The following SLC2A6 variants were observed in gnomAD, a reference collection of about 807,000 sequenced individuals.
SLC2A6 encodes the protein solute carrier family 2 member 6, also known as solute carrier family 2, facilitated glucose transporter member 6.
Under a neutral mutation model 47.8 loss-of-function variants are expected in SLC2A6, and 39 were observed. The ratio of observed to expected loss-of-function variants is 0.82; its 90% CI spans 0.63 to 1.07. The LOEUF (loss-of-function observed/expected upper bound fraction) is 1.07. SLC2A6 is among the 50% of genes least tolerant of loss of function. The pLI is 0.00. For missense variants in SLC2A6, 650 were observed against 707.6 expected, an observed-to-expected ratio of 0.92 and a Z score of 0.92; for synonymous variants, 346 against 324.1, an observed-to-expected ratio of 1.07 and a Z score of -0.73.
intron 5 of SLC2A6, 25 bp from the exon 6 acceptor site, chr9:133,475,138 G>C (rs1843892197): frequency 1.3e-6 from 2 of 1,514,776 alleles, no homozygotes; most frequent in Non-Finnish European, 1.8e-6. Context: ...CGCCGCTGAG[G>C]GCGTTGGGCC....
At chr9:133,473,307 C>CT in intron 8 of SLC2A6, 57 bp from the exon 9 acceptor site, 1 of 1,545,748 alleles carries the variant, frequency 6.5e-7, no homozygotes. Flanking sequence ...GCGGCTGTGT[C>CT]TGTCTCCGCT....
chr9:133,475,331 C>G, intron 5 of SLC2A6, 69 bp downstream of exon 5: 5 of 1,480,070 alleles, frequency 3.4e-6, no homozygotes, highest in Non-Finnish European at 4.5e-6. Context: ...CAGGAAAAGC[C>G]TCCACGGCCA....
intron 4 of SLC2A6, 53 bp from the exon 5 acceptor site, chr9:133,475,664 C>A: frequency 2.1e-6 from 3 of 1,449,884 alleles, no homozygotes; most frequent in Non-Finnish European, 2.8e-6. Flanking sequence ...ACAGCCCCTT[C>A]CCTCTGGAGC....
At chr9:133,474,871 G>A (rs906443336) in intron 6 of SLC2A6, 90 bp downstream of exon 6, 3 of 1,309,740 alleles carry the variant, frequency 2.3e-6, no homozygotes, top group Non-Finnish European at 3.0e-6. Flanking sequence ...ACCAGGGGTT[G>A]GGTAAGTGCA....
In SLC2A6 at chr9:133,477,177, C is replaced by G; in HGVS notation, c.320G>C (p.Gly107Ala). 1 of 1,550,578 alleles carries G rather than the reference C, an allele frequency of 6.4e-7. No homozygotes were observed. Among genetic ancestry groups the G allele is most frequent in the Non-Finnish European group, 8.7e-7 (1 of 1,147,052 alleles). ...TGAGAACATGATGCTCAGCTTCCGG[C>G]CCAGGAGGTCGTTGAGGATCATGGC... is the stretch of plus-strand genomic sequence containing the variant. ...LSAMILNDLL[G>A]RKLSIMFSAV... Residue 107 changes from glycine to alanine, a missense_variant, in exon 3 of 10, where the codon GGC (glycine) becomes GCC (alanine). Coordinates refer to ENST00000371899, the MANE Select transcript of SLC2A6 (RefSeq NM_017585.4).
chr9:133,477,818 C>T (rs1844017252), intron 2 of SLC2A6, among the ~76,000 whole-genome samples: 1 of 152,242 alleles, frequency 6.6e-6, no homozygotes, highest in African/African-American at 2.4e-5. Flanking sequence ...AACAACTCTA[C>T]ATATGAGGCT....
In SLC2A6 at chr9:133,477,122, G is replaced by A. The variant is rs782132602; in HGVS notation, c.375C>T (p.Leu125=). The A allele has an allele frequency of 1.0e-5, 16 of 1,549,328 alleles. No individual in the cohort carries two copies. The highest frequency in any genetic ancestry group is 1.3e-5 in the Non-Finnish European group (15 of 1,146,490). ...SAVPSAAGYA[L]MAGAHGLWML... is the part of the protein sequence containing the mutation. ...TCCAGAGGCCGTGCGCACCCGCCATGAGCGCATAGCCGGCCGCCGACGGCA... is the reference window on the plus strand; with the variant it reads ...TCCAGAGGCCGTGCGCACCCGCCATAAGCGCATAGCCGGCCGCCGACGGCA... Residue 125 remains leucine, a synonymous_variant, in exon 3 of 10, where the codon CTC becomes CTT. Transcript: ENST00000371899.
Position 133,474,018 on chromosome 9 carries a change from A to G in SLC2A6, c.998T>C (p.Met333Thr), listed in dbSNP as rs1554802498. ...CAGCACCTTGCGGCCTGCGAGGTCC[A>G]TGGTGAGGGCGGCGATCAGCACGGA... ...LLSVLIAALT[M>T]DLAGRKVLLF... Residue 333 changes from methionine to threonine, a missense_variant, in exon 7 of 10, where the codon ATG (methionine) becomes ACG (threonine). Met to Thr is a moderately conservative substitution (Grantham distance 81). Coordinates refer to ENST00000371899, the MANE Select transcript of SLC2A6 (RefSeq NM_017585.4). 1.9e-6 allele frequency: 3 copies of G among 1,611,022 alleles called. No individual in the cohort carries two copies. The highest frequency in any genetic ancestry group is 1.7e-5 in the Admixed American group (1 of 59,914).
chr9:133,473,751 G>C, intron 7 of SLC2A6, 151 bp from the exon 8 acceptor site: 2 of 870,992 alleles, frequency 2.3e-6, no homozygotes, highest in East Asian at 2.8e-5. Flanking sequence ...TCTGTCTCCA[G>C]CCGCGTGTTA....
At chr9:133,473,846 C>T (rs782663510) in intron 7 of SLC2A6, 134 bp downstream of exon 7, 18 of 824,318 alleles carry the variant, frequency 2.2e-5, no homozygotes, top group African/African-American at 3.5e-5. Context: ...GGCCAGGGCC[C>T]TGCCGATGCT....
intron 9 of SLC2A6, among the ~76,000 whole-genome samples, 154 bp from the exon 10 acceptor site, chr9:133,472,330 C>T (rs1218437007): frequency 6.6e-6 from 1 of 151,988 alleles, no homozygotes; most frequent in Admixed American, 6.6e-5. Flanking sequence ...ACCAGGGCTC[C>T]CCCACTGTCC....
rs370579653 is a variant in SLC2A6 at position 133,475,164 on chromosome 9, C to T, written c.775-51G>A. The T allele has an allele frequency of 1.6e-5, 23 of 1,477,658 alleles. No individual in the cohort carries two copies. The East Asian group carries it at 1.9e-4, about 12-fold the overall frequency. 91.5% of individuals were successfully genotyped at this position (1,477,658 alleles called of 1,614,324 possible). Reference sequence around the variant, plus strand: ...GCGTTGGGCCAGCCTCTCCAGCAGGCGCCATCCTGCCCTGGACCGCCAGGG... The same window carrying T: ...GCGTTGGGCCAGCCTCTCCAGCAGGTGCCATCCTGCCCTGGACCGCCAGGG... On this transcript the variant is annotated intron_variant, in intron 5 of 9. Coordinates refer to ENST00000371899, the MANE Select transcript of SLC2A6 (RefSeq NM_017585.4).
chr9:133,478,887 G>A lies in SLC2A6; in HGVS notation c.92+81C>T, dbSNP rs587660888. 18 of 1,326,876 alleles carry A rather than the reference G, an allele frequency of 1.4e-5. No homozygotes were observed. In the African/African-American group the frequency reaches 1.7e-4, roughly 12 times the overall value. 82.2% of individuals were successfully genotyped at this position (1,326,876 alleles called of 1,614,324 possible). ...TGGCGACTAGGTCAGGGGAGGCCCA[G>A]GGCGGGAGCCTGCCGCCGGCTGGAG... On this transcript the variant is annotated intron_variant, in intron 1 of 9. Coordinates refer to ENST00000371899, the MANE Select transcript of SLC2A6 (RefSeq NM_017585.4).
In SLC2A6 at chr9:133,478,421, T is replaced by C; in HGVS notation, c.93-5A>G. 1 of 1,613,936 alleles carries C rather than the reference T, an allele frequency of 6.2e-7. No homozygotes were observed. The highest frequency in any genetic ancestry group is 8.5e-7 in the Non-Finnish European group (1 of 1,179,944). Reference sequence around the variant, plus strand: ...ACCCTTTTGTTCTGCAGGGTCCTGGTGATGGTGGCGGACAAAAAGACCAGG... The same window carrying C: ...ACCCTTTTGTTCTGCAGGGTCCTGGCGATGGTGGCGGACAAAAAGACCAGG... On this transcript the variant is annotated splice_polypyrimidine_tract_variant and splice_region_variant and intron_variant, in intron 1 of 9. Coordinates refer to ENST00000371899, the MANE Select transcript of SLC2A6 (RefSeq NM_017585.4).
At position 133,475,479 on chromosome 9, in the gene SLC2A6, C is replaced by T. The variant is rs782165510; in HGVS notation, c.695G>A (p.Arg232Gln). 7.4e-6 allele frequency: 12 copies of T among 1,611,726 alleles called. No individual in the cohort carries two copies. Among genetic ancestry groups the T allele is most frequent in the Admixed American group, 5.0e-5 (3 of 59,984 alleles). Reference sequence around the variant, plus strand: ...CGTCCCACGCAGCCAGGCCAGCGCCCGCAGGGCCTCTTCGTCCCTGCCCCG... The same window carrying T: ...CGTCCCACGCAGCCAGGCCAGCGCCTGCAGGGCCTCTTCGTCCCTGCCCCG... ...LSRGRDEEAL[R>Q]ALAWLRGTDV... is the part of the protein sequence containing the mutation. Residue 232 changes from arginine (R) to glutamine (Q), a missense_variant, in exon 5 of 10, where the codon CGG (arginine) becomes CAG (glutamine). Arg to Gln is a conservative substitution (Grantham distance 43). Coordinates refer to ENST00000371899, the MANE Select transcript of SLC2A6 (RefSeq NM_017585.4).
chr9:133,474,743 G>A (rs924841656), intron 6 of SLC2A6, among the ~76,000 whole-genome samples: 10 of 152,198 alleles, frequency 6.6e-5, no homozygotes, highest in Non-Finnish European at 1.3e-4. Context: ...AAACACTTAA[G>A]CTTATCTTAA....
chr9:133,473,683 G>T lies in SLC2A6; in HGVS notation c.1037-83C>A. 2.9e-6 allele frequency: 4 copies of T among 1,356,582 alleles called. No individual in the cohort carries two copies. In the South Asian group the frequency reaches 6.2e-5, roughly 21 times the overall value. 84.0% of individuals were successfully genotyped at this position (1,356,582 alleles called of 1,614,324 possible). On this transcript the variant is annotated intron_variant, in intron 7 of 9. Transcript: ENST00000371899. ...CAGAGCTCCTTCTGCAGAGCCCCTT[G>T]ATACTTGCGTGGTCCAGCTCGTGTC...
chr9:133,474,937 C>T (rs782397043), intron 6 of SLC2A6, 24 bp downstream of exon 6: 12 of 1,489,022 alleles, frequency 8.1e-6, no homozygotes, highest in African/African-American at 1.4e-5. Flanking sequence ...CGTGGGTGGG[C>T]GCCGGCCGGG....
intron 2 of SLC2A6, 34 bp downstream of exon 2, chr9:133,478,220 C>G: frequency 6.2e-7 from 1 of 1,611,522 alleles, no homozygotes; most frequent in Non-Finnish European, 8.5e-7. Flanking sequence ...TCCCTCCTTC[C>G]TGCACCCACC....
Sources: gnomAD v4.1 joint callset for allele counts (sites outside exome capture counted in the v4.1 genomes callset) on GRCh38, gnomAD v4.1.1 for gene constraint, MANE v1.5 for transcripts, NCBI Gene and HGNC (gene_info 2026-07-23, HGNC 2026-07-21) for gene names.